Variants in PACRG observed in about 807,000 individuals in gnomAD.
PACRG encodes parkin coregulated.
PACRG carries 29 observed loss-of-function variants against 29.7 expected under a neutral mutation model. The observed-to-expected ratio is 0.98, with a 90% CI of 0.73 to 1.33. The LOEUF (loss-of-function observed/expected upper bound fraction) is 1.33. PACRG is among the 40% of genes most tolerant of loss of function. The pLI is 0.00. For synonymous variants in PACRG, 116 were observed against 118.7 expected (o/e 0.98, Z 0.15); for missense variants, 279 against 316.2 (o/e 0.88, Z 0.89).
At chr6:162,850,615 G>A (rs997027443) in intron 2 of PACRG, among the ~76,000 whole-genome samples, 12 of 152,146 alleles carry the variant, frequency 7.9e-5, no homozygotes, top group African/African-American at 1.4e-4. Flanking sequence ...CAGGGAGCTC[G>A]GAATAGCTCA....
chr6:163,295,869 A>G lies in PACRG; in HGVS notation c.614-18958A>G, dbSNP rs938113623. Among the ~76,000 whole-genome samples the G allele has an allele frequency of 2.6e-5, 4 of 152,154 alleles. No individual in the cohort carries two copies. The South Asian group carries it at 8.3e-4, about 32-fold the overall frequency. ...AGAATTAAGGATTAAATGAAGGAGC[A>G]TACATAAAACTCCTAGCCTGATGCC... On this transcript the variant is annotated intron_variant, in intron 4 of 4. Coordinates refer to ENST00000366888, the MANE Select transcript of PACRG (RefSeq NM_001080379.2).
At chr6:163,280,285 C>T (rs1202971997) in intron 4 of PACRG, among the ~76,000 whole-genome samples, 1 of 152,176 alleles carries the variant, frequency 6.6e-6, no homozygotes, top group Non-Finnish European at 1.5e-5. Flanking sequence ...TGCTCTGCAC[C>T]CCCATGCTAG....
chr6:162,887,767 T>G (rs554436435), intron 2 of PACRG, among the ~76,000 whole-genome samples: 11 of 152,194 alleles, frequency 7.2e-5, no homozygotes, highest in Admixed American at 7.2e-4. Flanking sequence ...GCCATCAGAC[T>G]GGTTTGCAGA....
At chr6:163,028,598 A>G (rs1807361920) in intron 2 of PACRG, among the ~76,000 whole-genome samples, 1 of 152,210 alleles carries the variant, frequency 6.6e-6, no homozygotes, top group Non-Finnish European at 1.5e-5. Flanking sequence ...AATATGAAAA[A>G]TATATTTCAA....
At position 162,940,640 on chromosome 6, in the gene PACRG, C is replaced by T. The variant is rs1028627236; in HGVS notation, c.292-121510C>T. ...TTGAAAGTCCCACGTGAAGCTCTCCCGCTCTGCTCCGTGCCTGGACCGGCT... is the reference window on the plus strand; with the variant it reads ...TTGAAAGTCCCACGTGAAGCTCTCCTGCTCTGCTCCGTGCCTGGACCGGCT... On this transcript the variant is annotated intron_variant, in intron 2 of 4. Transcript: ENST00000366888. Among the ~76,000 whole-genome samples the T allele has an allele frequency of 2.0e-5, 3 of 152,176 alleles. No homozygotes were observed. In the East Asian group the frequency reaches 5.8e-4, roughly 29 times the overall value.
In PACRG at chr6:163,179,394, TAAAAAAAAAA is replaced by T. The variant is rs5881511; in HGVS notation, c.613+89995_613+90004del. 6 of 216,546 alleles carry T rather than the reference TAAAAAAAAAA, an allele frequency of 2.8e-5. No homozygotes were observed. In the Admixed American group the frequency reaches 3.1e-4, roughly 11 times the overall value. 13.4% of individuals were successfully genotyped at this position (216,546 alleles called of 1,614,324 possible). ...CCTACTCATTTGGTGTTCTTTAAAT[TAAAAAAAAAA>T]AAAAAAAACTTCTGGCAAATCGTGG... On this transcript the variant is annotated intron_variant, in intron 4 of 4. Transcript: ENST00000366888.
At chr6:163,025,906 A>G (rs1807084504) in intron 2 of PACRG, among the ~76,000 whole-genome samples, 1 of 152,244 alleles carries the variant, frequency 6.6e-6, no homozygotes. Flanking sequence ...GGCTTTGGTT[A>G]AAGCTGTTCT....
intron 1 of PACRG, among the ~76,000 whole-genome samples, chr6:162,798,826 G>A (rs959443198): frequency 6.6e-6 from 1 of 152,134 alleles, no homozygotes; most frequent in Non-Finnish European, 1.5e-5. Context: ...CCCTCACTGA[G>A]TCAGATTGTG....
chr6:162,860,606 T>C (rs553891953), intron 2 of PACRG, among the ~76,000 whole-genome samples: 3 of 152,364 alleles, frequency 2.0e-5, no homozygotes, highest in Admixed American at 2.0e-4. Flanking sequence ...TTCTAGGATT[T>C]GACAGTATAA....
At chr6:162,872,236 CTCAGT>C (rs1169000085) in intron 2 of PACRG, among the ~76,000 whole-genome samples, 52 of 95,192 alleles carry the variant, frequency 5.5e-4, no homozygotes, top group Non-Finnish European at 1.0e-3. Flanking sequence ...GAGCTCAGTG[CTCAGT>C]GTCATTGGAA....
At chr6:162,976,056 A>C (rs1353047053) in intron 2 of PACRG, among the ~76,000 whole-genome samples, 2 of 152,164 alleles carry the variant, frequency 1.3e-5, no homozygotes, top group African/African-American at 4.8e-5. Context: ...AGGCTTAGCA[A>C]AAACAAACAA....
intron 4 of PACRG, among the ~76,000 whole-genome samples, chr6:163,276,658 TG>T (rs1419408474): frequency 6.6e-5 from 10 of 152,308 alleles, no homozygotes; most frequent in African/African-American, 2.4e-4. Context: ...GTGAGGCCTT[TG>T]GGGGGTGATT....
At chr6:162,860,354 CAG>C (rs1791762092) in intron 2 of PACRG, among the ~76,000 whole-genome samples, 1 of 152,026 alleles carries the variant, frequency 6.6e-6, no homozygotes, top group Non-Finnish European at 1.5e-5. Flanking sequence ...ATACTGAAGA[CAG>C]ATAAAATAAA....
chr6:163,176,687 A>AGCCT (rs1779377376), intron 4 of PACRG, among the ~76,000 whole-genome samples: 1 of 152,236 alleles, frequency 6.6e-6, no homozygotes, highest in African/African-American at 2.4e-5. Flanking sequence ...ATGCTCTTGG[A>AGCCT]GCCTGGCTCT....
At chr6:162,937,173 G>C (rs2128113248) in intron 2 of PACRG, among the ~76,000 whole-genome samples, 1 of 152,222 alleles carries the variant, frequency 6.6e-6, no homozygotes, top group South Asian at 2.1e-4. Flanking sequence ...GAGCAGCACT[G>C]TTCAATAGAA....
intron 4 of PACRG, among the ~76,000 whole-genome samples, chr6:163,268,627 C>T (rs1398761452): frequency 6.6e-6 from 1 of 151,728 alleles, no homozygotes; most frequent in African/African-American, 2.4e-5. Flanking sequence ...ACTTTTTTTT[C>T]CAATTGTTTT....
chr6:162,953,892 T>C (rs1799834009), intron 2 of PACRG, among the ~76,000 whole-genome samples: 1 of 152,206 alleles, frequency 6.6e-6, no homozygotes, highest in Admixed American at 6.5e-5. Context: ...TGAAAAATAC[T>C]ATATGAACTT....
chr6:162,998,738 C>T (rs1283297361), intron 2 of PACRG, among the ~76,000 whole-genome samples: 1 of 152,120 alleles, frequency 6.6e-6, no homozygotes, highest in African/African-American at 2.4e-5. Context: ...TCCCTCTTAC[C>T]CCAAGATTAC....
chr6:162,963,775 T>G (rs4709663), intron 2 of PACRG, among the ~76,000 whole-genome samples: 23,615 of 151,706 alleles, frequency 0.16, 3,231 homozygotes, highest in African/African-American at 0.36. Flanking sequence ...TATCAGGAGG[T>G]TGTTCAGTAT....
Sources: allele counts gnomAD v4.1 joint callset (sites outside exome capture counted in the v4.1 genomes callset), GRCh38; gene constraint gnomAD v4.1.1; transcripts MANE v1.5; gene names NCBI Gene and HGNC (gene_info 2026-07-23, HGNC 2026-07-21).